Variants in TTC28 observed in about 807,000 individuals in gnomAD.
TTC28 encodes the protein tetratricopeptide repeat protein 28.
In TTC28, 61 loss-of-function variants were observed where a neutral mutation model predicts 198.0. The observed-to-expected ratio is 0.31, with a 90% confidence interval of 0.25 to 0.38. The LOEUF is 0.38. Among genes scored for constraint, TTC28 ranks in the 10% least tolerant of loss-of-function variants. The pLI is 1.00. For missense variants in TTC28, 2,678 were observed against 3,164.0 expected (o/e 0.85, Z 3.69); for synonymous variants, 1,171 against 1,297.8 (o/e 0.90, Z 2.10).
intron 1 of TTC28, among the ~76,000 whole-genome samples, chr22:28,677,072 T>C (rs1214484044): frequency 6.7e-6 from 1 of 149,420 alleles, no homozygotes; most frequent in Admixed American, 6.7e-5. Context: ...GGAGAATTGC[T>C]TGAGCCAGGA....
intron 6 of TTC28, among the ~76,000 whole-genome samples, chr22:28,129,129 C>T (rs1480971985): frequency 6.6e-6 from 1 of 152,198 alleles, no homozygotes; most frequent in African/African-American, 2.4e-5. Context: ...TACGCCACTA[C>T]TCCCAATGAC....
intron 12 of TTC28, among the ~76,000 whole-genome samples, chr22:28,090,842 A>G (rs1373662246): frequency 6.6e-6 from 1 of 152,244 alleles, no homozygotes; most frequent in Non-Finnish European, 1.5e-5. Flanking sequence ...CCATGCCAAT[A>G]AAGTGTTTAA....
chr22:28,165,126 G>GA (rs1318342045), intron 5 of TTC28, among the ~76,000 whole-genome samples: 3 of 152,226 alleles, frequency 2.0e-5, no homozygotes, highest in Non-Finnish European at 2.9e-5. Flanking sequence ...GAAGTTTAGA[G>GA]AAAAAAGAAT....
intron 8 of TTC28, among the ~76,000 whole-genome samples, chr22:28,103,490 T>C (rs1942214912): frequency 6.6e-6 from 1 of 151,984 alleles, no homozygotes; most frequent in African/African-American, 2.4e-5. Flanking sequence ...AGCAGTAGGG[T>C]GGTTTCCAGA....
At chr22:28,497,208 G>A (rs1328959555) in intron 2 of TTC28, among the ~76,000 whole-genome samples, 1 of 152,104 alleles carries the variant, frequency 6.6e-6, no homozygotes, top group Non-Finnish European at 1.5e-5. Context: ...AGAACAAGGA[G>A]AATTTTAATC....
intron 2 of TTC28, among the ~76,000 whole-genome samples, chr22:28,407,631 C>T (rs550498460): frequency 6.6e-6 from 1 of 152,290 alleles, no homozygotes; most frequent in Non-Finnish European, 1.5e-5. Flanking sequence ...TGTCAGAGCA[C>T]TAATCTTATT....
In TTC28 at chr22:28,533,283, A is replaced by C. The variant is rs149476022; in HGVS notation, c.381+96269T>G. Among the ~76,000 whole-genome samples the C allele has an allele frequency of 1.1e-3, 172 of 152,308 alleles. 3 individuals carry two copies. In the East Asian group the frequency reaches 0.031, roughly 27 times the overall value. On this transcript the variant is annotated intron_variant, in intron 2 of 22. Coordinates refer to ENST00000397906, the MANE Select transcript of TTC28 (RefSeq NM_001145418.2). ...CCAATAACAGACAAACAGAGAGCCA[A>C]ATCATGAGCGAACTCCCATTCACAA...
intron 2 of TTC28, among the ~76,000 whole-genome samples, chr22:28,357,580 G>T (rs1366155620): frequency 1.3e-5 from 2 of 151,972 alleles, no homozygotes; most frequent in Non-Finnish European, 2.9e-5. Flanking sequence ...CAAAGTGCTA[G>T]GATTACAGGC....
chr22:28,625,575 G>A (rs1403223786), intron 2 of TTC28, among the ~76,000 whole-genome samples: 1 of 152,158 alleles, frequency 6.6e-6, no homozygotes, highest in Non-Finnish European at 1.5e-5. Context: ...AATACACCAT[G>A]TTCATGGATT....
At chr22:28,142,481 A>G (rs1001840714) in intron 6 of TTC28, among the ~76,000 whole-genome samples, 6 of 152,234 alleles carry the variant, frequency 3.9e-5, no homozygotes, top group Admixed American at 2.6e-4. Context: ...CAATGTAGCA[A>G]TCGTGCTCTG....
At chr22:28,484,529 C>T (rs190968766) in intron 2 of TTC28, among the ~76,000 whole-genome samples, 8 of 152,266 alleles carry the variant, frequency 5.3e-5, no homozygotes, top group African/African-American at 1.9e-4. Flanking sequence ...CTGATCCCTC[C>T]CTGGAAGCCT....
intron 5 of TTC28, among the ~76,000 whole-genome samples, chr22:28,292,480 C>T (rs1183348153): frequency 6.6e-6 from 1 of 152,192 alleles, no homozygotes; most frequent in African/African-American, 2.4e-5. Flanking sequence ...CCCACCTTGG[C>T]CTCCCAAAGT....
At position 28,535,850 on chromosome 22, in the gene TTC28, C is replaced by A. The variant is rs183937326; in HGVS notation, c.381+93702G>T. Among the ~76,000 whole-genome samples the A allele has an allele frequency of 7.7e-3, 1,173 of 152,134 alleles. 22 individuals carry two copies. Among genetic ancestry groups the A allele is most frequent in the African/African-American group, 0.026 (1,084 of 41,500 alleles). The stretch of plus-strand genomic sequence containing the variant: ...GATTGTAAGTTTCCTGAGGTCTCCC[C>A]AGGAGCAGAAGCCTATACAGCCTGC... On this transcript the variant is annotated intron_variant, in intron 2 of 22. Transcript: ENST00000397906.
In TTC28 at chr22:28,107,399, A is replaced by G; in HGVS notation, c.2446T>C (p.Cys816Arg). The change falls in exon 7 of 23, where the codon TGT (cysteine) becomes CGT (arginine). Residue 816 changes from cysteine to arginine, a missense_variant. By Grantham distance (180) the Cys-to-Arg change is radical. This residue lies in a region of TTC28 where 775 missense variants were observed against 845.9 expected (regional missense o/e 0.92). Transcript: ENST00000397906. ...ALGKYTMAFK[C>R]YEEQLDLGQK... is the part of the protein sequence containing the mutation. The stretch of plus-strand genomic sequence containing the variant: ...CCTAGATCCAGTTGCTCTTCATAAC[A>G]CTTGAATGCCATTGTGTATTTCCCA... 3.9e-6 allele frequency: 6 copies of G among 1,551,642 alleles called. No individual in the cohort carries two copies. The highest frequency in any genetic ancestry group is 5.2e-6 in the Non-Finnish European group (6 of 1,146,996).
Position 27,982,397 on chromosome 22 carries a change from C to T in TTC28, c.7270G>A (p.Ala2424Thr), listed in dbSNP as rs1937052903. The change falls in exon 23 of 23, where the codon GCT becomes ACT. Residue 2424 changes from alanine (A) to threonine (T), a missense_variant. Transcript: ENST00000397906. The surrounding 1 kb of genome is among the most constrained non-coding windows in gnomAD (Gnocchi z 5.2). ...KELSLQQHDG[A>T]PPKAPPNGHW... Reference sequence around the variant, plus strand: ...CCGTTGGGAGGGGCTTTCGGTGGAGCTCCGTCATGCTGCTGCAGGGACAGC... The same window carrying T: ...CCGTTGGGAGGGGCTTTCGGTGGAGTTCCGTCATGCTGCTGCAGGGACAGC... 1 of 1,551,368 alleles carries T rather than the reference C, an allele frequency of 6.4e-7. No homozygotes were observed. The highest frequency in any genetic ancestry group is 8.7e-7 in the Non-Finnish European group (1 of 1,146,958).
intron 12 of TTC28, among the ~76,000 whole-genome samples, chr22:28,090,672 C>T (rs1362083024): frequency 6.6e-6 from 1 of 152,122 alleles, no homozygotes; most frequent in Non-Finnish European, 1.5e-5. Flanking sequence ...TGAGCCTGCT[C>T]ATTCACTGCA....
intron 6 of TTC28, among the ~76,000 whole-genome samples, chr22:28,145,834 T>G (rs1208965959): frequency 3.3e-5 from 5 of 152,250 alleles, no homozygotes; most frequent in African/African-American, 1.2e-4. Flanking sequence ...GAGTGTTTAT[T>G]ATGTGTCATT....
intron 13 of TTC28, among the ~76,000 whole-genome samples, chr22:28,023,892 C>T (rs556187626): frequency 9.2e-5 from 14 of 152,272 alleles, no homozygotes; most frequent in African/African-American, 3.4e-4. Context: ...CATCATAGTA[C>T]CCCTCATGGT....
In TTC28 at chr22:28,431,293, T is replaced by C. The variant is rs192401260; in HGVS notation, c.382-124650A>G. 5.8e-3 allele frequency among the ~76,000 whole-genome samples: 880 copies of C among 152,350 alleles called. 9 individuals carry two copies. The highest frequency in any genetic ancestry group is 0.021 in the African/African-American group (854 of 41,592). The stretch of plus-strand genomic sequence containing the variant: ...TGATCACTTATGATAAATTTGATTT[T>C]TAAAATTATTCTAATTTAGAAGCAT... On this transcript the variant is annotated intron_variant, in intron 2 of 22. Coordinates refer to ENST00000397906, the MANE Select transcript of TTC28 (RefSeq NM_001145418.2).
Sources: gnomAD v4.1 joint callset for allele counts (sites outside exome capture counted in the v4.1 genomes callset) on GRCh38, gnomAD v4.1.1 for gene constraint, gnomAD v4.1.1 regional missense constraint, Gnocchi (gnomAD v3.1) non-coding constraint, MANE v1.5 for transcripts, NCBI Gene and HGNC (gene_info 2026-07-23, HGNC 2026-07-21) for gene names.